The following FAM149A variants were observed in gnomAD, a reference collection of about 807,000 sequenced individuals.
FAM149A encodes the protein family with sequence similarity 149 member A.
In FAM149A, 71 loss-of-function variants were observed where a neutral mutation model predicts 78.2. That is an observed-to-expected ratio of 0.91 (90% confidence interval 0.75 to 1.11). The LOEUF is 1.11. FAM149A is among the 50% of genes least tolerant of loss of function. The pLI, the probability that FAM149A is intolerant of heterozygous loss-of-function variation, is 0.00. For missense variants in FAM149A, 1,036 were observed against 971.0 expected (o/e 1.07, Z -0.89); for synonymous variants, 446 against 410.5 (o/e 1.09, Z -1.04).
At position 186,163,447 on chromosome 4, in the gene FAM149A, C is replaced by T. The variant is rs762001214; in HGVS notation, c.1703C>T (p.Ser568Leu). 41 of 1,613,716 alleles carry T rather than the reference C, an allele frequency of 2.5e-5. No homozygotes were observed. The Admixed American group carries it at 2.8e-4, about 11-fold the overall frequency. Residue 568 changes from serine (S) to leucine (L), a missense_variant, in exon 10 of 14, where the codon TCG becomes TTG. Physicochemically the swap from Ser to Leu is moderately radical, Grantham distance 145. Coordinates refer to ENST00000389354, the MANE Select transcript of FAM149A (RefSeq NM_001367768.3). ...AGGAATGAGAAGGAGGACAAAGCAT[C>T]GGGTGGAGGGGCAGGTGCTCTCTCC...
chr4:186,105,332 C>A lies in FAM149A; in HGVS notation c.256C>A (p.Arg86Ser). Residue 86 changes from arginine to serine, a missense_variant, in exon 1 of 14, where the codon CGC (arginine) becomes AGC (serine). Around this residue, in one of 3 missense-constraint regions of FAM149A, gnomAD observed 316 missense variants for 241.9 expected, o/e 1.31. Transcript: ENST00000389354. ...CTACTCCCGGGGCTCCGCCGCCAGCCGCGCCGCGGGAGCAGTGGGGACCCT... is the reference window on the plus strand; with the variant it reads ...CTACTCCCGGGGCTCCGCCGCCAGCAGCGCCGCGGGAGCAGTGGGGACCCT... 1 of 1,169,282 alleles carries A rather than the reference C, an allele frequency of 8.6e-7. No homozygotes were observed. The highest frequency in any genetic ancestry group is 1.1e-6 in the Non-Finnish European group (1 of 939,678). 72.4% of individuals were successfully genotyped at this position (1,169,282 alleles called of 1,614,324 possible). A position where few individuals can be genotyped will look rare whatever the true frequency, so the allele number is the denominator to read the frequency against.
Position 186,162,910 on chromosome 4 carries a change from G to A in FAM149A, c.1641G>A (p.Pro547=), listed in dbSNP as rs757955183. 106 of 1,596,660 alleles carry A rather than the reference G, an allele frequency of 6.6e-5. No homozygotes were observed. Among genetic ancestry groups the A allele is most frequent in the Admixed American group, 1.0e-4 (6 of 57,708 alleles). Residue 547 remains proline, a synonymous_variant, in exon 9 of 14, where the codon CCG becomes CCA. Transcript: ENST00000389354. ...GTGTCATGACAATTCAAGCAAAACC[G>A]CTTCAGCGGAGACCTGCCTATTTTG...
intron 1 of FAM149A, among the ~76,000 whole-genome samples, 170 bp from the exon 2 acceptor site, chr4:186,149,002 GT>G (rs1554069720): frequency 1.9e-5 from 1 of 53,796 alleles, no homozygotes; most frequent in South Asian, 6.1e-4. Context: ...AGGATGGGGT[GT>G]GTGTGTGTGT....
intron 13 of FAM149A, chr4:186,169,095 A>G: frequency 1.7e-6 from 1 of 574,700 alleles, no homozygotes; most frequent in Non-Finnish European, 2.2e-6. Context: ...TAGTTGGAGC[A>G]CACGTAAGTA....
At chr4:186,132,688 G>A (rs1207775850) in intron 1 of FAM149A, among the ~76,000 whole-genome samples, 2 of 152,138 alleles carry the variant, frequency 1.3e-5, no homozygotes, top group South Asian at 2.1e-4. Context: ...TGGCCAATTC[G>A]GTGCTTGTCC....
intron 1 of FAM149A, among the ~76,000 whole-genome samples, chr4:186,142,544 G>A (rs1371899058): frequency 6.6e-6 from 1 of 152,166 alleles, no homozygotes; most frequent in Non-Finnish European, 1.5e-5. Flanking sequence ...TGATTATGGA[G>A]TACAGTGGAG....
At chr4:186,148,420 G>T (rs142316601) in intron 1 of FAM149A, among the ~76,000 whole-genome samples, 1,779 of 152,268 alleles carry the variant, frequency 0.012, 20 homozygotes, top group Non-Finnish European at 0.018. Context: ...TGTTTTATTT[G>T]TAAGGGAAAA....
chr4:186,175,282 G>A lies in FAM149A; in HGVS notation c.*3295G>A, dbSNP rs576978218. 2.8e-3 allele frequency among the ~76,000 whole-genome samples: 313 copies of A among 111,858 alleles called. 68 individuals are homozygous for A. The highest frequency in any genetic ancestry group is 8.5e-3 in the African/African-American group (305 of 35,904). 73.4% of individuals were successfully genotyped at this position (111,858 alleles called of 152,430 possible). A position where few individuals can be genotyped will look rare whatever the true frequency, so the allele number is the denominator to read the frequency against. ...TTAATTTCTAATAAAATATAAAAGT[G>A]TTAAAAGAGTTTTCAAAAATGTGTA... On this transcript the variant is annotated 3_prime_UTR_variant, in exon 14 of 14. Transcript: ENST00000389354.
chr4:186,123,736 T>C (rs1579800236), intron 1 of FAM149A: 4 of 605,106 alleles, frequency 6.6e-6, no homozygotes, highest in Non-Finnish European at 6.2e-6. Flanking sequence ...AGGATTCTTA[T>C]GTTTCCTCTA....
In FAM149A at chr4:186,151,902, G is replaced by C; in HGVS notation, c.790-1G>C. 2 of 1,613,896 alleles carry C rather than the reference G, an allele frequency of 1.2e-6. No homozygotes were observed. The highest frequency in any genetic ancestry group is 1.7e-6 in the Non-Finnish European group (2 of 1,179,866). On this transcript the variant is annotated splice_acceptor_variant, in intron 3 of 13. Coordinates refer to ENST00000389354, the MANE Select transcript of FAM149A (RefSeq NM_001367768.3). LOFTEE classifies it high-confidence loss of function. ...GTAACCAAGTGTGCATTTCTGTTTA[G>C]GAATTTGACGAAGCCAGTTCACAGT...
At chr4:186,163,747 G>C in intron 10 of FAM149A, 114 bp downstream of exon 10, 1 of 765,918 alleles carries the variant, frequency 1.3e-6, no homozygotes, top group Non-Finnish European at 2.2e-6. Flanking sequence ...TTACATAGAT[G>C]CTTTTCTAAT....
intron 8 of FAM149A, 35 bp from the exon 9 acceptor site, chr4:186,162,810 C>CTTTTTT (rs56973296): frequency 1.2e-4 from 69 of 563,106 alleles, no homozygotes; most frequent in South Asian, 3.3e-4. Flanking sequence ...ATTTGTAATT[C>CTTTTTT]TTTTTTTTTT....
intron 1 of FAM149A, chr4:186,122,922 C>G (rs1327777908): frequency 4.7e-6 from 1 of 213,092 alleles, no homozygotes; most frequent in African/African-American, 2.4e-5. Flanking sequence ...TTGAAAGCAT[C>G]TGGTAATGGT....
chr4:186,154,376 T>C, intron 5 of FAM149A, 92 bp from the exon 6 acceptor site: 3 of 1,107,238 alleles, frequency 2.7e-6, no homozygotes, highest in Non-Finnish European at 3.8e-6. Context: ...TTCTGTACTT[T>C]ACAGATAATT....
At chr4:186,133,618 A>G (rs938879233) in intron 1 of FAM149A, among the ~76,000 whole-genome samples, 1 of 152,156 alleles carries the variant, frequency 6.6e-6, no homozygotes, top group Admixed American at 6.5e-5. Flanking sequence ...GTTGATGGAC[A>G]TTTGGGTTGC....
At chr4:186,167,683 C>G (rs1265633778) in intron 13 of FAM149A, 1 of 292,744 alleles carries the variant, frequency 3.4e-6, no homozygotes, top group South Asian at 3.4e-5. Context: ...CTTTATAACA[C>G]AAGGTTTTAC....
chr4:186,143,071 AT>A (rs2099326519), intron 1 of FAM149A, among the ~76,000 whole-genome samples: 1 of 151,944 alleles, frequency 6.6e-6, no homozygotes, highest in South Asian at 2.1e-4. Flanking sequence ...ATGTAAGAAT[AT>A]ATGTAAAATA....
In FAM149A at chr4:186,104,751, G is replaced by GGGCGGCA. The variant is rs950356525; in HGVS notation, c.-320_-319insAGGCGGC. Among the ~76,000 whole-genome samples, 3 of 104,230 alleles carry GGGCGGCA rather than the reference G, an allele frequency of 2.9e-5. No homozygotes were observed. Among genetic ancestry groups the GGGCGGCA allele is most frequent in the African/African-American group, 8.5e-5 (3 of 35,088 alleles). 68.4% of individuals were successfully genotyped at this position (104,230 alleles called of 152,430 possible). On this transcript the variant is annotated 5_prime_UTR_variant, in exon 1 of 14. Transcript: ENST00000389354. ...GTTGAACGTAGCAACCGCGGGCGGCGGGCGGCGGGCGGCGGGCGTCTGGGG... is the reference window on the plus strand; with the variant it reads ...GTTGAACGTAGCAACCGCGGGCGGCGGGCGGCAGGCGGCGGGCGGCGGGCGTCTGGGG...
chr4:186,135,531 C>T (rs1390455137), intron 1 of FAM149A, among the ~76,000 whole-genome samples: 1 of 152,176 alleles, frequency 6.6e-6, no homozygotes, highest in Non-Finnish European at 1.5e-5. Context: ...TTTTTGTCAA[C>T]TGATCGATAC....
Sources: allele counts gnomAD v4.1 joint callset (sites outside exome capture counted in the v4.1 genomes callset), GRCh38; gene constraint gnomAD v4.1.1; regional missense constraint gnomAD v4.1.1; transcripts MANE v1.5; gene names NCBI Gene and HGNC (gene_info 2026-07-23, HGNC 2026-07-21).